PFDN1: variants seen among roughly 807,000 people sequenced by gnomAD.
The protein encoded by PFDN1 is prefoldin subunit 1.
A neutral mutation model predicts 17.3 loss-of-function variants in PFDN1; 6 were observed. The observed-to-expected ratio is 0.35, with a 90% CI of 0.19 to 0.69. The LOEUF is 0.69. Ranked by LOEUF, PFDN1 falls within the 30% of genes least tolerant of loss-of-function variation. The probability of loss-of-function intolerance (pLI) is 0.65; values close to 1 mark genes in which losing one functional copy is unlikely to be tolerated. For missense variants in PFDN1, 113 were observed against 146.2 expected (o/e 0.77, Z 1.17); for synonymous variants, 58 against 50.1 (o/e 1.16, Z -0.67).
At chr5:140,259,917 A>G (rs995851130) in intron 3 of PFDN1, among the ~76,000 whole-genome samples, 3 of 152,254 alleles carry the variant, frequency 2.0e-5, no homozygotes, top group African/African-American at 7.2e-5. Flanking sequence ...GGATTTGTAC[A>G]GGTGTTTCTT....
At chr5:140,293,389 A>C (rs1023601032) in intron 2 of PFDN1, among the ~76,000 whole-genome samples, 1 of 151,974 alleles carries the variant, frequency 6.6e-6, no homozygotes, top group African/African-American at 2.4e-5. Context: ...TAGCTAAATG[A>C]ATCAATTACA....
intron 2 of PFDN1, among the ~76,000 whole-genome samples, chr5:140,289,910 C>T (rs1765554710): frequency 6.6e-6 from 1 of 152,138 alleles, no homozygotes; most frequent in African/African-American, 2.4e-5. Flanking sequence ...CCTCACTATT[C>T]CACTTCCACC....
intron 3 of PFDN1, among the ~76,000 whole-genome samples, chr5:140,255,482 TAAA>T (rs546703695): frequency 6.6e-6 from 1 of 151,784 alleles, no homozygotes; most frequent in Non-Finnish European, 1.5e-5. Context: ...TCTACAAAAA[TAAA>T]AAAATCAGCT....
chr5:140,288,897 A>G (rs1433462060), intron 2 of PFDN1, among the ~76,000 whole-genome samples: 1 of 152,068 alleles, frequency 6.6e-6, no homozygotes, highest in African/African-American at 2.4e-5. Context: ...GAGGCAAAGA[A>G]TTGCTTGAAC....
intron 3 of PFDN1, among the ~76,000 whole-genome samples, chr5:140,246,485 T>A (rs1032885707): frequency 6.6e-6 from 1 of 152,238 alleles, no homozygotes; most frequent in African/African-American, 2.4e-5. Flanking sequence ...AGCTATAAAA[T>A]GGATGGTGCA....
intron 3 of PFDN1, among the ~76,000 whole-genome samples, chr5:140,261,838 A>C (rs541199868): frequency 6.6e-4 from 101 of 152,070 alleles, no homozygotes; most frequent in African/African-American, 2.4e-3. Context: ...CGGTGTTCTG[A>C]GGGGTATTGA....
intron 3 of PFDN1, among the ~76,000 whole-genome samples, chr5:140,266,815 C>T (rs533519631): frequency 6.6e-6 from 1 of 152,352 alleles, no homozygotes; most frequent in South Asian, 2.1e-4. Flanking sequence ...AACAGCTTTA[C>T]AAGCAAGTAC....
chr5:140,297,378 A>G (rs1041593118), intron 2 of PFDN1, among the ~76,000 whole-genome samples: 1 of 152,262 alleles, frequency 6.6e-6, no homozygotes, highest in Non-Finnish European at 1.5e-5. Context: ...CAGGTTTAGC[A>G]TCAAGAAAGA....
At chr5:140,284,917 G>A (rs1015565375) in intron 2 of PFDN1, among the ~76,000 whole-genome samples, 1 of 151,926 alleles carries the variant, frequency 6.6e-6, no homozygotes, top group Non-Finnish European at 1.5e-5. Context: ...TGAGACTTTC[G>A]GTTTTGATTA....
intron 3 of PFDN1, among the ~76,000 whole-genome samples, chr5:140,262,756 C>G (rs1765082340): frequency 6.6e-6 from 1 of 151,414 alleles, no homozygotes; most frequent in South Asian, 2.1e-4. Context: ...GGAGGGAACA[C>G]AGATGACCTC....
intron 3 of PFDN1, among the ~76,000 whole-genome samples, chr5:140,272,215 T>C (rs963683360): frequency 1.4e-4 from 22 of 152,100 alleles, no homozygotes; most frequent in African/African-American, 5.3e-4. Flanking sequence ...AGACAGGATT[T>C]CACCATATTG....
At chr5:140,258,571 G>T (rs1225154507) in intron 3 of PFDN1, among the ~76,000 whole-genome samples, 5 of 152,116 alleles carry the variant, frequency 3.3e-5, no homozygotes, top group African/African-American at 1.2e-4. Context: ...TGACAATGGA[G>T]ATGAAGAAGA....
chr5:140,259,422 T>C (rs1398984526), intron 3 of PFDN1, among the ~76,000 whole-genome samples: 1 of 152,210 alleles, frequency 6.6e-6, no homozygotes, highest in Non-Finnish European at 1.5e-5. Flanking sequence ...GATTACAGTT[T>C]CCCAATATAC....
At chr5:140,272,472 G>A (rs13186198) in intron 3 of PFDN1, among the ~76,000 whole-genome samples, 70,846 of 150,584 alleles carry the variant, frequency 0.47, 16,868 homozygotes, top group South Asian at 0.71. Context: ...GCAATTCTCG[G>A]CCTCAGCCTC....
At chr5:140,259,329 C>A (rs1037459303) in intron 3 of PFDN1, among the ~76,000 whole-genome samples, 9 of 152,184 alleles carry the variant, frequency 5.9e-5, no homozygotes, top group African/African-American at 2.2e-4. Context: ...AACGTTAACT[C>A]CTATCTTCAA....
chr5:140,253,377 C>T (rs982974706), intron 3 of PFDN1, among the ~76,000 whole-genome samples: 2 of 152,114 alleles, frequency 1.3e-5, no homozygotes, highest in Non-Finnish European at 2.9e-5. Context: ...AAGACGAACC[C>T]GAACCCCTAC....
chr5:140,296,855 G>C (rs1051224671), intron 2 of PFDN1, among the ~76,000 whole-genome samples: 1 of 152,164 alleles, frequency 6.6e-6, no homozygotes, highest in South Asian at 2.1e-4. Context: ...AAATATACAT[G>C]CTATCCTAAC....
At chr5:140,278,341 G>A (rs1450446959) in intron 3 of PFDN1, among the ~76,000 whole-genome samples, 2 of 151,558 alleles carry the variant, frequency 1.3e-5, no homozygotes, top group African/African-American at 2.4e-5. Context: ...GCCAAGGTGG[G>A]TGGATCACAA....
chr5:140,266,736 TCCA>T (rs559998011), intron 3 of PFDN1, among the ~76,000 whole-genome samples: 15 of 152,362 alleles, frequency 9.8e-5, no homozygotes, highest in Non-Finnish European at 1.9e-4. Context: ...TTTCACACAT[TCCA>T]CCACTAGAAA....
Sources: allele counts gnomAD v4.1 joint callset (sites outside exome capture counted in the v4.1 genomes callset), GRCh38; gene constraint gnomAD v4.1.1; transcripts MANE v1.5; gene names NCBI Gene and HGNC (gene_info 2026-07-23, HGNC 2026-07-21).